Variants in CFDP1 observed in about 807,000 individuals in gnomAD.
The protein encoded by CFDP1 is heterochromatin-stabilizing protein CFDP1.
A neutral mutation model predicts 40.1 loss-of-function variants in CFDP1; 31 were observed. That is an observed-to-expected ratio of 0.77 (90% CI 0.58 to 1.04). The LOEUF is 1.04. CFDP1 is among the 50% of genes least tolerant of loss of function. The probability of loss-of-function intolerance (pLI) is 0.00; values close to 1 mark genes in which losing one functional copy is unlikely to be tolerated. For synonymous variants in CFDP1, 167 were observed against 120.0 expected (o/e 1.39, Z -2.56); for missense variants, 423 against 343.4 (o/e 1.23, Z -1.83).
At chr16:75,394,442 T>C (rs141194687) in intron 5 of CFDP1, among the ~76,000 whole-genome samples, 4 of 152,368 alleles carry the variant, frequency 2.6e-5, no homozygotes, top group Non-Finnish European at 5.9e-5. Context: ...TTGTAAATCA[T>C]CTTTGATCTT....
At chr16:75,328,382 C>T (rs1213334818) in intron 5 of CFDP1, among the ~76,000 whole-genome samples, 8 of 147,340 alleles carry the variant, frequency 5.4e-5, no homozygotes, top group Admixed American at 6.7e-5. Flanking sequence ...GTCAGGAGTT[C>T]GAGACCAGCC....
chr16:75,393,992 T>A (rs1030734433), intron 5 of CFDP1, among the ~76,000 whole-genome samples: 8 of 151,858 alleles, frequency 5.3e-5, no homozygotes, highest in Admixed American at 2.6e-4. Context: ...GAGGCGGAGC[T>A]TGCAGTGAGC....
At chr16:75,355,329 G>C (rs969105892) in intron 5 of CFDP1, among the ~76,000 whole-genome samples, 1 of 152,172 alleles carries the variant, frequency 6.6e-6, no homozygotes, top group Admixed American at 6.5e-5. Context: ...CTGTTTGATA[G>C]CATTTTACCC....
chr16:75,412,799 G>T, intron 2 of CFDP1, 45 bp from the exon 3 acceptor site: 2 of 1,477,346 alleles, frequency 1.4e-6, no homozygotes, highest in Non-Finnish European at 1.9e-6. Flanking sequence ...AGCACAAAAC[G>T]ATTTCAGTTA....
At chr16:75,432,015 G>A (rs904026509) in intron 1 of CFDP1, among the ~76,000 whole-genome samples, 10 of 150,372 alleles carry the variant, frequency 6.7e-5, no homozygotes, top group Non-Finnish European at 1.0e-4. Context: ...GAGTTCAAGC[G>A]ATTCTCCTGC....
At chr16:75,352,152 C>T (rs559181932) in intron 5 of CFDP1, among the ~76,000 whole-genome samples, 21 of 151,772 alleles carry the variant, frequency 1.4e-4, no homozygotes, top group Admixed American at 1.1e-3. Context: ...ACCAGCCTGG[C>T]GAACATGGCA....
chr16:75,381,496 G>A (rs190686029), intron 5 of CFDP1, among the ~76,000 whole-genome samples: 1 of 152,160 alleles, frequency 6.6e-6, no homozygotes, highest in East Asian at 1.9e-4. Flanking sequence ...AAAAACTAAA[G>A]GTGACACTGA....
At chr16:75,320,387 G>C (rs537765407) in intron 5 of CFDP1, among the ~76,000 whole-genome samples, 1 of 152,066 alleles carries the variant, frequency 6.6e-6, no homozygotes, top group Non-Finnish European at 1.5e-5. Flanking sequence ...AACGAAGAAG[G>C]TCTGCTGAAA....
chr16:75,396,836 T>C (rs2078998122), intron 4 of CFDP1, among the ~76,000 whole-genome samples: 1 of 152,098 alleles, frequency 6.6e-6, no homozygotes, highest in East Asian at 1.9e-4. Flanking sequence ...AGGAATTTTG[T>C]TTAAATGCAG....
At chr16:75,390,099 A>T (rs904389486) in intron 5 of CFDP1, among the ~76,000 whole-genome samples, 1 of 152,222 alleles carries the variant, frequency 6.6e-6, no homozygotes. Context: ...ATTTTGGTCA[A>T]ATTTCACTTT....
chr16:75,377,023 G>C (rs1324244426), intron 5 of CFDP1, among the ~76,000 whole-genome samples: 6 of 152,236 alleles, frequency 3.9e-5, no homozygotes, highest in Non-Finnish European at 7.3e-5. Context: ...TCAAGGAGCT[G>C]TTAACACTGC....
chr16:75,298,855 T>TA (rs1475515764), intron 6 of CFDP1, among the ~76,000 whole-genome samples: 1 of 152,164 alleles, frequency 6.6e-6, no homozygotes, highest in Admixed American at 6.5e-5. Context: ...TGAAAATATA[T>TA]TTTTTTGGAG....
chr16:75,337,425 A>C (rs75163355), intron 5 of CFDP1, among the ~76,000 whole-genome samples: 3,364 of 152,212 alleles, frequency 0.022, 70 homozygotes, highest in African/African-American at 0.054. Flanking sequence ...GGCTTTACTG[A>C]CCTTTGCCCC....
chr16:75,430,677 T>C (rs2079402163), intron 1 of CFDP1, among the ~76,000 whole-genome samples: 2 of 152,184 alleles, frequency 1.3e-5, no homozygotes, highest in Admixed American at 6.6e-5. Flanking sequence ...TTGGCCAGGC[T>C]GGTCTTGAAC....
intron 5 of CFDP1, among the ~76,000 whole-genome samples, chr16:75,328,728 G>A (rs774884597): frequency 6.6e-6 from 1 of 150,968 alleles, no homozygotes; most frequent in Non-Finnish European, 1.5e-5. Flanking sequence ...ACCCAGGCTG[G>A]AGTACAGTGG....
intron 5 of CFDP1, among the ~76,000 whole-genome samples, chr16:75,310,238 A>T (rs970940179): frequency 2.0e-5 from 3 of 152,202 alleles, no homozygotes; most frequent in Non-Finnish European, 4.4e-5. Flanking sequence ...ATGCCATAAG[A>T]GAGAGTGGCT....
At chr16:75,392,261 C>T (rs1192597697) in intron 5 of CFDP1, among the ~76,000 whole-genome samples, 1 of 151,724 alleles carries the variant, frequency 6.6e-6, no homozygotes, top group Non-Finnish European at 1.5e-5. Context: ...AAAAATTAGC[C>T]AGGCGTGGCA....
chr16:75,369,366 T>C (rs2078736589), intron 5 of CFDP1, among the ~76,000 whole-genome samples: 2 of 147,076 alleles, frequency 1.4e-5, no homozygotes, highest in Admixed American at 7.0e-5. Context: ...CTTAGCAATA[T>C]AGCAAAAGTT....
intron 5 of CFDP1, among the ~76,000 whole-genome samples, chr16:75,368,913 T>G (rs1259127781): frequency 1.3e-5 from 2 of 152,148 alleles, no homozygotes; most frequent in Non-Finnish European, 2.9e-5. Context: ...TACTTACACA[T>G]TTTCATTGTG....
Sources: gnomAD v4.1 joint callset for allele counts (sites outside exome capture counted in the v4.1 genomes callset) on GRCh38, gnomAD v4.1.1 for gene constraint, MANE v1.5 for transcripts, NCBI Gene and HGNC (gene_info 2026-07-23, HGNC 2026-07-21) for gene names.